MIPOL1: variants seen among roughly 807,000 people sequenced by gnomAD.
MIPOL1 encodes the protein mirror-image polydactyly gene 1 protein.
Under a neutral mutation model 60.9 loss-of-function variants are expected in MIPOL1, and 57 were observed. That is an observed-to-expected ratio of 0.94 (90% CI 0.76 to 1.17). The LOEUF is 1.17. Among genes scored for constraint, MIPOL1 ranks in the 50% most tolerant of loss-of-function variants. MIPOL1 has a pLI of 0.00. For synonymous variants in MIPOL1, 179 were observed against 168.8 expected (o/e 1.06, Z -0.47); for missense variants, 551 against 511.6 (o/e 1.08, Z -0.74).
chr14:37,454,474 C>A lies in MIPOL1; in HGVS notation c.1031+31525C>A, dbSNP rs114087703. Among the ~76,000 whole-genome samples the A allele has an allele frequency of 6.0e-3, 911 of 152,254 alleles. 5 individuals carry two copies. Among genetic ancestry groups the A allele is most frequent in the African/African-American group, 0.02 (816 of 41,550 alleles). On this transcript the variant is annotated intron_variant, in intron 11 of 12. Transcript: ENST00000684589. ...GCTCATAACAGCTGTGTGAAATAAG[C>A]AGTATTATCTGTCTTACAATTGAGA...
intron 6 of MIPOL1, chr14:37,276,917 G>A (rs968410976): frequency 6.6e-6 from 1 of 151,062 alleles, no homozygotes; most frequent in Admixed American, 6.6e-5. Context: ...ACTGTCTTTG[G>A]CTACAGAATT....
intron 11 of MIPOL1, among the ~76,000 whole-genome samples, chr14:37,486,160 C>T (rs1249620126): frequency 6.6e-6 from 1 of 152,112 alleles, no homozygotes. Context: ...GGTGTTATTT[C>T]TGAGGCCTCT....
rs148627858 is a variant in MIPOL1, at chr14:37,275,218, A to G, written c.493+4693A>G. Among the ~76,000 whole-genome samples, 95 of 151,308 alleles carry G rather than the reference A, an allele frequency of 6.3e-4. 1 individual carries two copies. In the East Asian group the frequency reaches 0.018, roughly 28 times the overall value. The stretch of plus-strand genomic sequence containing the variant: ...CTCACTCCTTATGTGTTAATGATTT[A>G]CTTCACTGTAGCTGTTTAAGACTTT... On this transcript the variant is annotated intron_variant, in intron 6 of 12. Transcript: ENST00000684589.
chr14:37,212,894 G>T (rs1042294920), intron 1 of MIPOL1, among the ~76,000 whole-genome samples: 1 of 152,154 alleles, frequency 6.6e-6, no homozygotes, highest in Non-Finnish European at 1.5e-5. Context: ...CTGTGTGTTT[G>T]GGAGAAAGTA....
chr14:37,336,085 G>A (rs1290261837), intron 9 of MIPOL1, among the ~76,000 whole-genome samples: 1 of 142,522 alleles, frequency 7.0e-6, no homozygotes, highest in Admixed American at 7.3e-5. Context: ...TATGGTATAA[G>A]GTAAGGGTCC....
At chr14:37,397,048 AGTTT>A (rs1233397047) in intron 10 of MIPOL1, 1 of 151,910 alleles carries the variant, frequency 6.6e-6, no homozygotes. Flanking sequence ...GTTGTTTAAG[AGTTT>A]GTTTTGTCAT....
At position 37,329,392 on chromosome 14, in the gene MIPOL1, C is replaced by T. The variant is rs1310075926; in HGVS notation, c.828+20873C>T. Among the ~76,000 whole-genome samples the T allele has an allele frequency of 2.0e-5, 3 of 152,116 alleles. No homozygotes were observed. In the East Asian group the frequency reaches 5.8e-4, roughly 29 times the overall value. ...CCTGTAGATAACACTAGTTATCATA[C>T]TTACATGTTCAGAAATAATTTGAGT... is the stretch of plus-strand genomic sequence containing the variant. On this transcript the variant is annotated intron_variant, in intron 9 of 12. Coordinates refer to ENST00000684589, the MANE Select transcript of MIPOL1 (RefSeq NM_001388067.1).
chr14:37,439,862 G>T (rs1244732158), intron 11 of MIPOL1, among the ~76,000 whole-genome samples: 1 of 152,038 alleles, frequency 6.6e-6, no homozygotes, highest in Non-Finnish European at 1.5e-5. Flanking sequence ...TTTATTTAAT[G>T]AATTTATTTT....
chr14:37,536,209 A>G (rs1267938613), intron 12 of MIPOL1, among the ~76,000 whole-genome samples: 1 of 152,204 alleles, frequency 6.6e-6, no homozygotes, highest in Non-Finnish European at 1.5e-5. Context: ...TGTTGGCTGT[A>G]TCTCCAAAGT....
chr14:37,237,551 G>A (rs950659803), intron 1 of MIPOL1, among the ~76,000 whole-genome samples: 2 of 152,078 alleles, frequency 1.3e-5, no homozygotes, highest in South Asian at 2.1e-4. Context: ...GATAACAAGA[G>A]CATACATTTT....
intron 1 of MIPOL1, among the ~76,000 whole-genome samples, chr14:37,216,435 C>G (rs1040613531): frequency 1.3e-5 from 2 of 152,154 alleles, no homozygotes; most frequent in African/African-American, 4.8e-5. Context: ...CCAAATTGAC[C>G]TAATAGATAG....
intron 9 of MIPOL1, among the ~76,000 whole-genome samples, chr14:37,351,449 G>A (rs1407700556): frequency 6.6e-6 from 1 of 151,786 alleles, no homozygotes; most frequent in African/African-American, 2.4e-5. Flanking sequence ...GGCTCAAATG[G>A]TATTTCCAGT....
intron 6 of MIPOL1, among the ~76,000 whole-genome samples, chr14:37,272,116 T>A (rs1010396336): frequency 1.3e-5 from 2 of 151,554 alleles, no homozygotes; most frequent in South Asian, 4.1e-4. Context: ...TTAATAAATG[T>A]CAATTATTTA....
At chr14:37,306,442 A>G (rs1169835014) in intron 7 of MIPOL1, among the ~76,000 whole-genome samples, 1 of 151,890 alleles carries the variant, frequency 6.6e-6, no homozygotes, top group Non-Finnish European at 1.5e-5. Context: ...ATTGTCCTGT[A>G]TCTGTTCACA....
chr14:37,379,404 A>G (rs1047131352), intron 10 of MIPOL1, among the ~76,000 whole-genome samples: 30 of 152,116 alleles, frequency 2.0e-4, no homozygotes, highest in Admixed American at 1.7e-3. Flanking sequence ...TCCTTCAGTT[A>G]GGCAAAGCTT....
chr14:37,448,849 A>G (rs769947071), intron 11 of MIPOL1, among the ~76,000 whole-genome samples: 1 of 152,196 alleles, frequency 6.6e-6, no homozygotes, highest in Non-Finnish European at 1.5e-5. Flanking sequence ...ATATGTATGG[A>G]GGTCACTCAT....
chr14:37,528,715 A>G (rs2095462681), intron 12 of MIPOL1, among the ~76,000 whole-genome samples: 1 of 152,222 alleles, frequency 6.6e-6, no homozygotes, highest in Admixed American at 6.5e-5. Context: ...TGGTACAAAT[A>G]CTGAGAAACT....
intron 1 of MIPOL1, among the ~76,000 whole-genome samples, chr14:37,241,960 G>A (rs892903293): frequency 4.0e-5 from 5 of 126,548 alleles, no homozygotes; most frequent in African/African-American, 7.4e-5. Flanking sequence ...AAGCAAACAC[G>A]CCAGCAAGCA....
At chr14:37,403,926 G>C (rs1447404389) in intron 10 of MIPOL1, among the ~76,000 whole-genome samples, 1 of 152,138 alleles carries the variant, frequency 6.6e-6, no homozygotes, top group Non-Finnish European at 1.5e-5. Context: ...TTAGTGAATA[G>C]ATATGGTTGT....
Sources: allele counts gnomAD v4.1 joint callset (sites outside exome capture counted in the v4.1 genomes callset), GRCh38; gene constraint gnomAD v4.1.1; transcripts MANE v1.5; gene names NCBI Gene and HGNC (gene_info 2026-07-23, HGNC 2026-07-21).